The following DYSF variants were observed in gnomAD, a reference collection of about 807,000 sequenced individuals.
DYSF encodes the protein dystrophy-associated fer-1-like 1.
A neutral mutation model predicts 274.9 loss-of-function variants in DYSF; 212 were observed. The ratio of observed to expected loss-of-function variants is 0.77; its 90% CI spans 0.69 to 0.86. The LOEUF (loss-of-function observed/expected upper bound fraction) is 0.86. Among genes scored for constraint, DYSF ranks in the 40% least tolerant of loss-of-function variants. The probability of loss-of-function intolerance (pLI) is 0.00; values close to 1 mark genes in which losing one functional copy is unlikely to be tolerated. For missense variants in DYSF, 2,666 were observed against 2,783.2 expected (o/e 0.96, Z 0.95); for synonymous variants, 1,091 against 1,078.7 (o/e 1.01, Z -0.22).
intron 32 of DYSF, among the ~76,000 whole-genome samples, chr2:71,593,295 G>A (rs1428521292): frequency 2.0e-5 from 3 of 152,000 alleles, no homozygotes; most frequent in Non-Finnish European, 4.4e-5. Flanking sequence ...ACCATGCCCA[G>A]CTAATTTTTT....
chr2:71,602,689 G>T (rs1298893533), intron 35 of DYSF, 87 bp from the exon 36 acceptor site: 5 of 1,456,518 alleles, frequency 3.4e-6, no homozygotes. Flanking sequence ...CCCGCCTAGT[G>T]CGCCTTGATA....
chr2:71,570,348 G>A lies in DYSF; in HGVS notation c.3085+14G>A. The A allele has an allele frequency of 1.9e-6, 3 of 1,612,496 alleles. No individual in the cohort carries two copies. Among genetic ancestry groups the A allele is most frequent in the Admixed American group, 1.7e-5 (1 of 60,004 alleles). On this transcript the variant is annotated intron_variant, in intron 28 of 55. Coordinates refer to ENST00000410020, the MANE Select transcript of DYSF (RefSeq NM_001130987.2). ...TCGATGAGCAAGGTGGGCAGCATGT[G>A]GAACCTGGCGAGCCCCATCCCCGGC...
At position 71,549,355 on chromosome 2, in the gene DYSF, C is replaced by T. The variant is rs368577086; in HGVS notation, c.1577-1686C>T. On this transcript the variant is annotated intron_variant, in intron 17 of 55. Transcript: ENST00000410020. ...TCCATTTCTTTACGCTTCAGAGGAG[C>T]CTGCAGGTGCTGTCAAGCCTTCGAA... 4 of 1,612,738 alleles carry T rather than the reference C, an allele frequency of 2.5e-6. No homozygotes were observed. The highest frequency in any genetic ancestry group is 3.4e-6 in the Non-Finnish European group (4 of 1,179,286).
At chr2:71,585,737 CT>C (rs1290412883) in intron 30 of DYSF, among the ~76,000 whole-genome samples, 1 of 152,156 alleles carries the variant, frequency 6.6e-6, no homozygotes, top group Non-Finnish European at 1.5e-5. Context: ...TGAGCACCTG[CT>C]GCCTGTGAGG....
chr2:71,465,469 G>C (rs1026165024), upstream of DYSF, among the ~76,000 whole-genome samples: 1 of 152,124 alleles, frequency 6.6e-6, no homozygotes, highest in African/African-American at 2.4e-5. Flanking sequence ...CATATAGTAT[G>C]ATTGCCCCCA....
chr2:71,567,629 C>T (rs945328162), intron 24 of DYSF, among the ~76,000 whole-genome samples: 9 of 152,006 alleles, frequency 5.9e-5, no homozygotes, highest in African/African-American at 2.2e-4. Flanking sequence ...AAAATGGAAG[C>T]GAGGCTGTGG....
chr2:71,499,080 C>G (rs899842697), intron 3 of DYSF, among the ~76,000 whole-genome samples: 3 of 152,222 alleles, frequency 2.0e-5, no homozygotes, highest in African/African-American at 7.2e-5. Context: ...AAAATTCTCC[C>G]TGGCCTCTTT....
At position 71,656,252 on chromosome 2, in the gene DYSF, G is replaced by A; in HGVS notation, c.4717G>A (p.Glu1573Lys). The A allele has an allele frequency of 6.2e-7, 1 of 1,614,222 alleles. No homozygotes were observed. Among genetic ancestry groups the A allele is most frequent in the Non-Finnish European group, 8.5e-7 (1 of 1,180,040 alleles). The change falls in exon 43 of 56, where the codon GAG (glutamate) becomes AAG (lysine). Residue 1573 changes from glutamate to lysine, a missense_variant. Physicochemically the swap from Glu to Lys is moderately conservative, Grantham distance 56 (BLOSUM62 1). Around this residue, in one of 3 missense-constraint regions of DYSF, gnomAD observed 1,460 missense variants for 1,502.1 expected, o/e 0.97. Transcript: ENST00000410020. ...TFKLYRGKTQ[E>K]ETEDPSVIGE... ...CAAGCTGTACCGGGGCAAGACGCAG[G>A]AGGAGACAGAAGATCCATCTGTGAT... is the stretch of plus-strand genomic sequence containing the variant.
chr2:71,533,772 T>C (rs910877023), intron 14 of DYSF, among the ~76,000 whole-genome samples: 1 of 152,252 alleles, frequency 6.6e-6, no homozygotes, highest in African/African-American at 2.4e-5. Flanking sequence ...TTGCCAACAG[T>C]GGTCTATCAG....
chr2:71,631,935 A>C (rs970281702), intron 41 of DYSF, among the ~76,000 whole-genome samples: 4 of 152,040 alleles, frequency 2.6e-5, no homozygotes, highest in African/African-American at 7.2e-5. Context: ...GGCTTCCACC[A>C]TCCGGCGCTC....
chr2:71,528,367 AC>A lies in DYSF; in HGVS notation c.1350del (p.Phe451LeufsTer41), dbSNP rs766936914. On this transcript the variant is annotated frameshift_variant, in exon 14 of 56. Coordinates refer to ENST00000410020, the MANE Select transcript of DYSF (RefSeq NM_001130987.2). LOFTEE classifies it high-confidence loss of function. Reference sequence around the variant, plus strand: ...GAGAGTAACAAGAAGAACTTGGTGGACCCCTTTGTGGAGGTCAGCTTTGCGG... The same window carrying A: ...GAGAGTAACAAGAAGAACTTGGTGGACCCTTTGTGGAGGTCAGCTTTGCGG... ...GFESNKKNLV[D>X]PFVEVSFAGK... 1 of 1,614,100 alleles carries A rather than the reference AC, an allele frequency of 6.2e-7. No homozygotes were observed. Among genetic ancestry groups the A allele is most frequent in the Non-Finnish European group, 8.5e-7 (1 of 1,180,008 alleles).
At chr2:71,601,323 G>T in intron 34 of DYSF, 176 bp from the exon 35 acceptor site, 2 of 808,750 alleles carry the variant, frequency 2.5e-6, no homozygotes, top group African/African-American at 1.7e-5. Context: ...GGCTGCTCTG[G>T]GTGAAGTGTC....
rs772708040 is a variant in DYSF, at chr2:71,516,224, T to G, written c.933T>G (p.Asp311Glu). The change falls in exon 9 of 56, where the codon GAT (aspartate) becomes GAG (glutamate). Residue 311 changes from aspartate (D) to glutamate (E), a missense_variant. By Grantham distance (45) the Asp-to-Glu change is conservative. Transcript: ENST00000410020. ...TTGACTCTCCTGGGGAGCTGTTTGA[T>G]GAGCCCATCTTTATCACGGTATGTC... ...NLFDSPGELF[D>E]EPIFITVVDS... The G allele has an allele frequency of 6.2e-7, 1 of 1,614,232 alleles. No individual in the cohort carries two copies.
At chr2:71,519,564 A>T (rs1372828899) in intron 10 of DYSF, among the ~76,000 whole-genome samples, 1 of 152,210 alleles carries the variant, frequency 6.6e-6, no homozygotes, top group Non-Finnish European at 1.5e-5. Flanking sequence ...ATTGTAAAAC[A>T]CAGGAAGGAA....
intron 1 of DYSF, among the ~76,000 whole-genome samples, chr2:71,470,737 TTTCCTTCCTTCC>T (rs56939256): frequency 0.01 from 1,005 of 96,066 alleles, 26 homozygotes; most frequent in African/African-American, 0.039. Flanking sequence ...TCCTTCCTTC[TTTCCTTCCTTCC>T]TTCCTTCCTT....
intron 4 of DYSF, among the ~76,000 whole-genome samples, chr2:71,503,638 C>T (rs2085205479): frequency 6.6e-6 from 1 of 152,148 alleles, no homozygotes; most frequent in South Asian, 2.1e-4. Context: ...GGCTATAGCC[C>T]ACCTAGTCTC....
chr2:71,584,432 C>G (rs554539502), intron 30 of DYSF, among the ~76,000 whole-genome samples: 1 of 152,162 alleles, frequency 6.6e-6, no homozygotes, highest in Non-Finnish European at 1.5e-5. Context: ...CCCATTCCAT[C>G]CCACCCCACA....
chr2:71,571,773 GCACA>G (rs1253711603), intron 29 of DYSF, among the ~76,000 whole-genome samples: 1 of 112,002 alleles, frequency 8.9e-6, no homozygotes, highest in Non-Finnish European at 1.8e-5. Flanking sequence ...ATCACACCCA[GCACA>G]CACACAGATC....
chr2:71,495,739 C>T (rs2084313772), intron 3 of DYSF, among the ~76,000 whole-genome samples: 1 of 152,136 alleles, frequency 6.6e-6, no homozygotes, highest in Non-Finnish European at 1.5e-5. Context: ...GGTTCCTGCA[C>T]ACCCACATTC....
Sources: allele counts gnomAD v4.1 joint callset (sites outside exome capture counted in the v4.1 genomes callset), GRCh38; gene constraint gnomAD v4.1.1; regional missense constraint gnomAD v4.1.1; transcripts MANE v1.5; gene names NCBI Gene and HGNC (gene_info 2026-07-23, HGNC 2026-07-21).